SQOR: variants seen among roughly 807,000 people sequenced by gnomAD.
SQOR encodes the protein sulfide:quinone oxidoreductase, mitochondrial.
In SQOR, 39 loss-of-function variants were observed where a neutral mutation model predicts 48.6. The observed-to-expected ratio is 0.80, with a 90% confidence interval of 0.62 to 1.05. SQOR has a LOEUF of 1.05. Among genes scored for constraint, SQOR ranks in the 50% least tolerant of loss-of-function variants. The probability of loss-of-function intolerance (pLI) is 0.00; values close to 1 mark genes in which losing one functional copy is unlikely to be tolerated. For missense variants in SQOR, 561 were observed against 559.9 expected, an observed-to-expected ratio of 1.00 and a Z score of -0.02; for synonymous variants, 220 against 206.2, an observed-to-expected ratio of 1.07 and a Z score of -0.57.
intron 1 of SQOR, among the ~76,000 whole-genome samples, chr15:45,637,765 A>G (rs1895029570): frequency 6.6e-6 from 1 of 152,212 alleles, no homozygotes; most frequent in African/African-American, 2.4e-5. Flanking sequence ...GCCTGTGTCT[A>G]GCTTTGTTAA....
intron 7 of SQOR, 76 bp downstream of exon 7, chr15:45,682,737 C>T (rs1288058022): frequency 6.5e-7 from 1 of 1,534,746 alleles, no homozygotes; most frequent in Non-Finnish European, 8.9e-7. Flanking sequence ...AAAACACAAG[C>T]TTGGCATCGG....
chr15:45,651,031 C>T (rs544173114), intron 1 of SQOR, among the ~76,000 whole-genome samples: 24 of 152,248 alleles, frequency 1.6e-4, no homozygotes, highest in African/African-American at 2.9e-4. Flanking sequence ...AGCCCTTGGG[C>T]GGTCAATGGG....
upstream of SQOR, among the ~76,000 whole-genome samples, chr15:45,634,022 A>C (rs543881720): frequency 6.6e-6 from 1 of 150,540 alleles, no homozygotes; most frequent in East Asian, 2.0e-4. Context: ...TGAAACATAC[A>C]AAAATTAGCC....
chr15:45,641,929 CCTCATCT>C (rs1467307876), intron 1 of SQOR, among the ~76,000 whole-genome samples: 1 of 152,196 alleles, frequency 6.6e-6, no homozygotes, highest in Non-Finnish European at 1.5e-5. Context: ...CATTCACACC[CCTCATCT>C]CTGTTCCCAT....
chr15:45,633,464 G>C (rs1019635282), upstream of SQOR, among the ~76,000 whole-genome samples: 1 of 152,126 alleles, frequency 6.6e-6, no homozygotes, highest in African/African-American at 2.4e-5. Context: ...GGGAGGCCAA[G>C]GTGGGTGGAT....
chr15:45,689,095 T>A lies in SQOR; in HGVS notation c.1173T>A (p.Ala391=), dbSNP rs766072363. 2 of 1,614,224 alleles carry A rather than the reference T, an allele frequency of 1.2e-6. No individual in the cohort carries two copies. Among genetic ancestry groups the A allele is most frequent in the South Asian group, 1.1e-5 (1 of 91,084 alleles). ...CCGGCTACAACCGTGTGATTCTTGC[T>A]GAGTTTGACTACAAAGCAGAGCCGC... ...LVTGYNRVIL[A]EFDYKAEPLE... The change falls in exon 9 of 10, where the codon GCT becomes GCA. Residue 391 remains alanine (A), a synonymous_variant. Transcript: ENST00000260324.
intron 4 of SQOR, among the ~76,000 whole-genome samples, chr15:45,670,720 T>C (rs1196824948): frequency 3.3e-5 from 5 of 152,116 alleles, no homozygotes; most frequent in African/African-American, 9.7e-5. Context: ...GTAAGAATCT[T>C]TGAAGTGTGT....
At chr15:45,651,347 C>A (rs540745316) in intron 1 of SQOR, among the ~76,000 whole-genome samples, 1 of 152,120 alleles carries the variant, frequency 6.6e-6, no homozygotes, top group Non-Finnish European at 1.5e-5. Flanking sequence ...TGCTGGCCCG[C>A]GAGCGTCGCT....
chr15:45,688,788 C>T (rs1373184713), intron 8 of SQOR, among the ~76,000 whole-genome samples: 3 of 152,160 alleles, frequency 2.0e-5, no homozygotes, highest in Non-Finnish European at 4.4e-5. Flanking sequence ...GCTGGGATTA[C>T]AGGTGTGAGC....
Position 45,689,128 on chromosome 15 carries a change from C to T in SQOR, c.1206C>T (p.Thr402=). Reference sequence around the variant, plus strand: ...ACTACAAAGCAGAGCCGCTAGAAACCTTCCCCTTTGATCAAAGCAAAGAGC... The same window carrying T: ...ACTACAAAGCAGAGCCGCTAGAAACTTTCCCCTTTGATCAAAGCAAAGAGC... ...EFDYKAEPLE[T]FPFDQSKERL... The change falls in exon 9 of 10, where the codon ACC becomes ACT. Residue 402 remains threonine (T), a synonymous_variant. Coordinates refer to ENST00000260324, the MANE Select transcript of SQOR (RefSeq NM_021199.4). The T allele has an allele frequency of 6.2e-7, 1 of 1,614,148 alleles. No individual in the cohort carries two copies. Among genetic ancestry groups the T allele is most frequent in the Non-Finnish European group, 8.5e-7 (1 of 1,180,018 alleles).
At position 45,688,408 on chromosome 15, in the gene SQOR, T is replaced by G; in HGVS notation, c.1116+4T>G. The G allele has an allele frequency of 2.5e-6, 4 of 1,588,100 alleles. No individual in the cohort carries two copies. Among genetic ancestry groups the G allele is most frequent in the Non-Finnish European group, 2.6e-6 (3 of 1,162,718 alleles). On this transcript the variant is annotated splice_donor_region_variant and intron_variant, in intron 8 of 9. Coordinates refer to ENST00000260324, the MANE Select transcript of SQOR (RefSeq NM_021199.4). ...GAATCAAACACCAACAAAGAAGGTT[T>G]GTATGCCTTGTAAGAATCACTGTCT...
intron 1 of SQOR, among the ~76,000 whole-genome samples, chr15:45,655,266 C>T (rs773607541): frequency 5.8e-4 from 89 of 152,286 alleles, no homozygotes; most frequent in Non-Finnish European, 8.5e-4. Flanking sequence ...TGCCCCTGCC[C>T]CATGGGGCGC....
At chr15:45,682,781 A>G in intron 7 of SQOR, 120 bp downstream of exon 7, 2 of 1,145,822 alleles carry the variant, frequency 1.7e-6, no homozygotes, top group African/African-American at 1.5e-5. Flanking sequence ...TAATCCCAGC[A>G]CTTTGGGAGA....
intron 9 of SQOR, among the ~76,000 whole-genome samples, chr15:45,690,437 G>C (rs1415261207): frequency 2.0e-5 from 3 of 152,194 alleles, no homozygotes; most frequent in African/African-American, 4.8e-5. Context: ...AAATCTGGGT[G>C]TCTACATCAG....
intron 9 of SQOR, among the ~76,000 whole-genome samples, chr15:45,690,098 T>TTTTTTTA (rs1890296453): frequency 8.2e-6 from 1 of 122,400 alleles, no homozygotes; most frequent in Non-Finnish European, 1.8e-5. Flanking sequence ...TTTTTTTTTT[T>TTTTTTTA]GGAGGCAAAG....
At chr15:45,655,885 C>G (rs993570397) in intron 1 of SQOR, among the ~76,000 whole-genome samples, 1 of 151,868 alleles carries the variant, frequency 6.6e-6, no homozygotes, top group African/African-American at 2.4e-5. Flanking sequence ...CGGGATTTCA[C>G]CATGTTGGCC....
At position 45,686,077 on chromosome 15, in the gene SQOR, C is replaced by A. The variant is rs191754671; in HGVS notation, c.1049-2260C>A. On this transcript the variant is annotated intron_variant, in intron 7 of 9. Transcript: ENST00000260324. ...GTTGCCCAAGTCTCAAACTCCTGGGCTCAAGCGATCCTCCTGCTTTGGCCT... is the reference window on the plus strand; with the variant it reads ...GTTGCCCAAGTCTCAAACTCCTGGGATCAAGCGATCCTCCTGCTTTGGCCT... Among the ~76,000 whole-genome samples, 239 of 151,672 alleles carry A rather than the reference C, an allele frequency of 1.6e-3. 3 individuals are homozygous for A. Among genetic ancestry groups the A allele is most frequent in the South Asian group, 0.011 (52 of 4,804 alleles).
chr15:45,674,967 C>T (rs1354596564), intron 5 of SQOR, among the ~76,000 whole-genome samples: 2 of 152,158 alleles, frequency 1.3e-5, no homozygotes, highest in African/African-American at 4.8e-5. Flanking sequence ...TGGGACTGAT[C>T]AAGACCTTCC....
chr15:45,678,169 T>C (rs953492919), intron 6 of SQOR, among the ~76,000 whole-genome samples: 7 of 152,228 alleles, frequency 4.6e-5, no homozygotes, highest in Non-Finnish European at 8.8e-5. Context: ...TACAATTTGT[T>C]TTCTCCCTTG....
Sources: gnomAD v4.1 joint callset for allele counts (sites outside exome capture counted in the v4.1 genomes callset) on GRCh38, gnomAD v4.1.1 for gene constraint, MANE v1.5 for transcripts, NCBI Gene and HGNC (gene_info 2026-07-23, HGNC 2026-07-21) for gene names.